The following SEMA3A variants were observed in gnomAD, a reference collection of about 807,000 sequenced individuals.
SEMA3A encodes the protein semaphorin-3A.
SEMA3A carries 29 observed loss-of-function variants against 97.9 expected under a neutral mutation model. That is an observed-to-expected ratio of 0.30 (90% CI 0.22 to 0.40). The LOEUF (loss-of-function observed/expected upper bound fraction) is 0.40. Ranked by LOEUF, SEMA3A falls within the 10% of genes least tolerant of loss-of-function variation. SEMA3A has a pLI of 1.00. For synonymous variants in SEMA3A, 321 were observed against 323.7 expected (o/e 0.99, Z 0.09); for missense variants, 763 against 951.3 (o/e 0.80, Z 2.60).
intron 1 of SEMA3A, among the ~76,000 whole-genome samples, chr7:84,473,372 GTAT>G (rs1296071315): frequency 6.7e-5 from 10 of 148,216 alleles, no homozygotes; most frequent in South Asian, 2.1e-4. Context: ...TTATATTTTT[GTAT>G]TATTATTATT....
intron 2 of SEMA3A, among the ~76,000 whole-genome samples, chr7:84,338,176 T>C (rs1233114577): frequency 6.6e-6 from 1 of 151,188 alleles, no homozygotes; most frequent in Non-Finnish European, 1.5e-5. Context: ...CATATATATA[T>C]ATATAAATAA....
intron 1 of SEMA3A, among the ~76,000 whole-genome samples, chr7:84,146,884 CT>C (rs1299775381): frequency 6.6e-6 from 1 of 152,154 alleles, no homozygotes; most frequent in African/African-American, 2.4e-5. Context: ...AGTCAGTCCA[CT>C]GATAAGTGCT....
At chr7:84,128,403 T>C (rs1424961457) in intron 3 of SEMA3A, among the ~76,000 whole-genome samples, 1 of 152,100 alleles carries the variant, frequency 6.6e-6, no homozygotes, top group Non-Finnish European at 1.5e-5. Context: ...TTCATATCAT[T>C]TCAAGAAGAA....
intron 12 of SEMA3A, among the ~76,000 whole-genome samples, chr7:83,992,657 A>T (rs1790011570): frequency 6.6e-6 from 1 of 151,416 alleles, no homozygotes. Flanking sequence ...CCTGAGTTCT[A>T]GTTTGATTGC....
intron 1 of SEMA3A, among the ~76,000 whole-genome samples, chr7:84,395,010 A>G (rs1192452359): frequency 6.6e-6 from 1 of 152,144 alleles, no homozygotes. Context: ...AGAAGACATA[A>G]GATAAAGCCT....
intron 4 of SEMA3A, among the ~76,000 whole-genome samples, chr7:84,106,898 C>T (rs954751207): frequency 2.6e-5 from 4 of 152,060 alleles, no homozygotes; most frequent in African/African-American, 9.7e-5. Context: ...CAAATGATGT[C>T]TTTTTTTCTA....
chr7:84,284,579 T>G (rs1242279519), intron 3 of SEMA3A, among the ~76,000 whole-genome samples: 2 of 152,130 alleles, frequency 1.3e-5, no homozygotes, highest in Non-Finnish European at 2.9e-5. Context: ...CTCATCAAAA[T>G]GAAAAGAAAA....
At chr7:84,172,446 A>G (rs915176245) in intron 1 of SEMA3A, among the ~76,000 whole-genome samples, 1 of 151,994 alleles carries the variant, frequency 6.6e-6, no homozygotes, top group African/African-American at 2.4e-5. Flanking sequence ...TTTTTGAGAC[A>G]GAGTCTCGCT....
At chr7:84,160,531 AGAGT>A (rs1002463369) in intron 1 of SEMA3A, among the ~76,000 whole-genome samples, 1 of 151,632 alleles carries the variant, frequency 6.6e-6, no homozygotes, top group Non-Finnish European at 1.5e-5. Context: ...CCTGGGTGAC[AGAGT>A]GAGACTCCAT....
chr7:84,485,914 T>C (rs1158932973), intron 1 of SEMA3A, among the ~76,000 whole-genome samples: 1 of 152,206 alleles, frequency 6.6e-6, no homozygotes, highest in Non-Finnish European at 1.5e-5. Flanking sequence ...TAATCAAATA[T>C]GAGTCTTTCA....
At chr7:84,129,415 AAG>A (rs1161818313) in intron 2 of SEMA3A, among the ~76,000 whole-genome samples, 1 of 152,206 alleles carries the variant, frequency 6.6e-6, no homozygotes, top group African/African-American at 2.4e-5. Context: ...AAAGTTGAGC[AAG>A]AGAGAAACTG....
intron 3 of SEMA3A, among the ~76,000 whole-genome samples, chr7:84,239,196 A>G (rs925477915): frequency 2.0e-5 from 3 of 152,226 alleles, no homozygotes; most frequent in African/African-American, 7.2e-5. Context: ...TATTTGCTTT[A>G]GGTAAAACCA....
chr7:84,301,448 A>G (rs924026318), intron 3 of SEMA3A, among the ~76,000 whole-genome samples: 3 of 152,100 alleles, frequency 2.0e-5, no homozygotes, highest in Non-Finnish European at 2.9e-5. Context: ...GTACTTAAGG[A>G]AAGAAGACAT....
intron 2 of SEMA3A, among the ~76,000 whole-genome samples, chr7:84,309,089 A>G (rs1801247206): frequency 6.6e-6 from 1 of 152,106 alleles, no homozygotes; most frequent in African/African-American, 2.4e-5. Context: ...AAGTGCTGGG[A>G]TTACAGGCGT....
intron 7 of SEMA3A, among the ~76,000 whole-genome samples, chr7:84,011,956 A>G (rs1328895516): frequency 6.6e-6 from 1 of 152,188 alleles, no homozygotes; most frequent in East Asian, 1.9e-4. Flanking sequence ...AAACCGGGGG[A>G]CATTATGTTA....
chr7:84,412,134 G>T (rs2116253033), intron 1 of SEMA3A, among the ~76,000 whole-genome samples: 1 of 152,246 alleles, frequency 6.6e-6, no homozygotes, highest in African/African-American at 2.4e-5. Context: ...AAGCAAAGTG[G>T]TGGTTTGAAA....
intron 6 of SEMA3A, among the ~76,000 whole-genome samples, chr7:84,037,735 A>C (rs1247651557): frequency 2.0e-5 from 3 of 152,074 alleles, no homozygotes; most frequent in African/African-American, 7.2e-5. Flanking sequence ...ATTTATTTTA[A>C]AAGTATAACT....
chr7:84,018,939 A>G (rs560826564), intron 6 of SEMA3A, among the ~76,000 whole-genome samples: 1 of 152,154 alleles, frequency 6.6e-6, no homozygotes, highest in Non-Finnish European at 1.5e-5. Context: ...ACAAAAAACA[A>G]CAATAAAAAA....
Position 84,359,924 on chromosome 7 carries a change from G to A in SEMA3A, c.-169+11900C>T, listed in dbSNP as rs9801327. Among the ~76,000 whole-genome samples the A allele has an allele frequency of 6.7e-5, 10 of 149,978 alleles. No individual in the cohort carries two copies. The South Asian group carries it at 8.5e-4, about 13-fold the overall frequency. The stretch of plus-strand genomic sequence containing the variant: ...CTTCTAGATTTTCTAGTTTATTTGC[G>A]TAGAGGTGTTTGTAGTATTCTCTGA... On this transcript the variant is annotated intron_variant, in intron 2 of 3. Transcript: ENST00000424555.
Sources: gnomAD v4.1 joint callset for allele counts (sites outside exome capture counted in the v4.1 genomes callset) on GRCh38, gnomAD v4.1.1 for gene constraint, MANE v1.5 for transcripts, NCBI Gene and HGNC (gene_info 2026-07-23, HGNC 2026-07-21) for gene names.